The following CBL variants were observed in gnomAD, a reference collection of about 807,000 sequenced individuals.
The protein encoded by CBL is E3 ubiquitin-protein ligase CBL.
In CBL, 45 loss-of-function variants were observed where a neutral mutation model predicts 96.9. That is an observed-to-expected ratio of 0.46 (90% CI 0.37 to 0.60). The LOEUF (loss-of-function observed/expected upper bound fraction) is 0.60, where lower values mean the gene tolerates loss of function less well. CBL is among the 20% of genes least tolerant of loss of function. The probability of loss-of-function intolerance (pLI) is 0.00; values close to 1 mark genes in which losing one functional copy is unlikely to be tolerated. For missense variants in CBL, 1,024 were observed against 1,143.5 expected, an observed-to-expected ratio of 0.90 and a Z score of 1.51; for synonymous variants, 420 against 426.8, an observed-to-expected ratio of 0.98 and a Z score of 0.20.
chr11:119,297,526 G>C (rs370168884), intron 14 of CBL, 45 bp downstream of exon 14: 248 of 1,346,976 alleles, frequency 1.8e-4, no homozygotes, highest in Non-Finnish European at 2.4e-4. Flanking sequence ...ATATGTCATA[G>C]GAATGAACAT....
At chr11:119,278,854 T>C (rs140435262) in intron 9 of CBL, 141 bp downstream of exon 9, 15 of 746,068 alleles carry the variant, frequency 2.0e-5, no homozygotes, top group Admixed American at 8.0e-5. Flanking sequence ...ATGACAGATA[T>C]TGTGTTAAGC....
intron 1 of CBL, among the ~76,000 whole-genome samples, chr11:119,216,199 A>G (rs1034559536): frequency 3.3e-5 from 5 of 152,128 alleles, no homozygotes; most frequent in African/African-American, 1.2e-4. Flanking sequence ...GCACCTTCTC[A>G]CAACCACCAC....
chr11:119,231,925 A>G (rs943044541), intron 1 of CBL, among the ~76,000 whole-genome samples: 9 of 150,456 alleles, frequency 6.0e-5, no homozygotes, highest in African/African-American at 2.2e-4. Flanking sequence ...CCTGGGCAAC[A>G]TGTCTCTAAA....
At chr11:119,274,793 T>G in intron 4 of CBL, 39 bp from the exon 5 acceptor site, 2 of 1,580,830 alleles carry the variant, frequency 1.3e-6, no homozygotes, top group Non-Finnish European at 1.7e-6. Flanking sequence ...TGGTTGTACA[T>G]CTGACCTGAA....
chr11:119,240,274 T>G (rs117431399), intron 2 of CBL, among the ~76,000 whole-genome samples: 2,338 of 150,654 alleles, frequency 0.016, 23 homozygotes, highest in Middle Eastern at 0.041. Context: ...CCAGCCTGGG[T>G]GACAGGGTGA....
At chr11:119,212,984 A>C (rs1177690795) in intron 1 of CBL, among the ~76,000 whole-genome samples, 1 of 150,288 alleles carries the variant, frequency 6.7e-6, no homozygotes, top group East Asian at 2.0e-4. Context: ...AAAAAAAAGA[A>C]AAAAAAAAAA....
In CBL at chr11:119,308,075, TAACTA is replaced by T. The variant is rs1450817252; in HGVS notation, c.*8297_*8301del. On this transcript the variant is annotated 3_prime_UTR_variant, in exon 16 of 16. Coordinates refer to ENST00000264033, the MANE Select transcript of CBL (RefSeq NM_005188.4). The stretch of plus-strand genomic sequence containing the variant: ...TTTTTCATTTCCATACACAGTTAGT[TAACTA>T]AAGAGCTTTTTCAAGCACCCATGTC... 5.6e-6 allele frequency: 1 copy of T among 177,118 alleles called. No individual in the cohort carries two copies. Among genetic ancestry groups the T allele is most frequent in the African/African-American group, 2.4e-5 (1 of 42,324 alleles). 11.0% of individuals were successfully genotyped at this position (177,118 alleles called of 1,614,324 possible).
rs748969942 is a variant in CBL at position 119,297,371 on chromosome 11, C to A, written c.2154-13C>A. The A allele has an allele frequency of 6.3e-7, 1 of 1,593,710 alleles. No homozygotes were observed. The highest frequency in any genetic ancestry group is 8.6e-7 in the Non-Finnish European group (1 of 1,161,712). ...TTTCCAAAGATCATTATGGCACTTT[C>A]CTTCTGGTTCAGAGCATGTGATTGC... On this transcript the variant is annotated splice_polypyrimidine_tract_variant and intron_variant, in intron 13 of 15. Coordinates refer to ENST00000264033, the MANE Select transcript of CBL (RefSeq NM_005188.4).
chr11:119,304,370 A>G lies in CBL; in HGVS notation c.*4589A>G, dbSNP rs1366567007. On this transcript the variant is annotated 3_prime_UTR_variant, in exon 16 of 16. Coordinates refer to ENST00000264033, the MANE Select transcript of CBL (RefSeq NM_005188.4). ...TGCTTAGGGATTCTTTGGATCCAAG[A>G]AACAGAAATGTTCAAGCGGAATAAA... The G allele has an allele frequency of 4.3e-6, 1 of 233,160 alleles. No homozygotes were observed. The highest frequency in any genetic ancestry group is 8.5e-6 in the Non-Finnish European group (1 of 118,080). The allele number at this position is 233,160 out of a possible 1,614,324, so 14.4% of individuals were successfully genotyped here. A position where few individuals can be genotyped will look rare whatever the true frequency, so the allele number is the denominator to read the frequency against.
intron 2 of CBL, among the ~76,000 whole-genome samples, chr11:119,260,684 G>A (rs1465119164): frequency 6.6e-6 from 1 of 151,798 alleles, no homozygotes; most frequent in Non-Finnish European, 1.5e-5. Context: ...TGATTTTACT[G>A]CTGCAGTCTG....
At chr11:119,293,126 A>G (rs937905427) in intron 12 of CBL, among the ~76,000 whole-genome samples, 5 of 150,606 alleles carry the variant, frequency 3.3e-5, no homozygotes, top group Admixed American at 3.3e-4. Context: ...CTTTTTTGAG[A>G]CAGAGTCTCA....
At chr11:119,208,093 TTTA>T (rs770700124) in intron 1 of CBL, among the ~76,000 whole-genome samples, 2 of 152,200 alleles carry the variant, frequency 1.3e-5, no homozygotes, top group Non-Finnish European at 2.9e-5. Context: ...TAGTACTAAT[TTTA>T]TTGTTAGAAA....
In CBL at chr11:119,306,413, C is replaced by T; in HGVS notation, c.*6632C>T. 1 of 399,038 alleles carries T rather than the reference C, an allele frequency of 2.5e-6. No individual in the cohort carries two copies. Among genetic ancestry groups the T allele is most frequent in the Non-Finnish European group, 4.4e-6 (1 of 226,138 alleles). The allele number at this position is 399,038 out of a possible 1,614,324, so 24.7% of individuals were successfully genotyped here. On this transcript the variant is annotated 3_prime_UTR_variant, in exon 16 of 16. Coordinates refer to ENST00000264033, the MANE Select transcript of CBL (RefSeq NM_005188.4). ...CCCGCCCCCTCCCCACCAACATTGC[C>T]TCTCCTACATTCTCCTTCTGCCCCT...
intron 2 of CBL, among the ~76,000 whole-genome samples, chr11:119,262,507 C>G (rs1400106458): frequency 2.6e-5 from 4 of 152,160 alleles, no homozygotes; most frequent in Non-Finnish European, 5.9e-5. Flanking sequence ...TATGGGAACT[C>G]CCTGCGTGGT....
At chr11:119,231,679 G>A (rs1004364678) in intron 1 of CBL, among the ~76,000 whole-genome samples, 4 of 152,108 alleles carry the variant, frequency 2.6e-5, no homozygotes, top group Non-Finnish European at 4.4e-5. Flanking sequence ...TTGCACTCTA[G>A]CCTGGGCAAG....
At chr11:119,242,421 C>T (rs1012560446) in intron 2 of CBL, among the ~76,000 whole-genome samples, 1 of 150,846 alleles carries the variant, frequency 6.6e-6, no homozygotes, top group East Asian at 2.0e-4. Flanking sequence ...ACCTGTAATC[C>T]AAGCTACTCA....
chr11:119,270,241 CTT>C (rs768214554), intron 2 of CBL, among the ~76,000 whole-genome samples: 1 of 119,818 alleles, frequency 8.3e-6, no homozygotes, highest in African/African-American at 3.1e-5. Context: ...TGTGTGACAT[CTT>C]TTTTTTTTTT....
chr11:119,269,411 G>T (rs907350841), intron 2 of CBL, among the ~76,000 whole-genome samples: 3 of 151,834 alleles, frequency 2.0e-5, no homozygotes, highest in Non-Finnish European at 4.4e-5. Context: ...AGTAGAAATG[G>T]CCAGGCTAGT....
At chr11:119,207,126 T>A (rs1949276707) in intron 1 of CBL, among the ~76,000 whole-genome samples, 1 of 152,092 alleles carries the variant, frequency 6.6e-6, no homozygotes, top group African/African-American at 2.4e-5. Flanking sequence ...GAAGCTGTGC[T>A]CTGGGTGAGA....
Sources: allele counts gnomAD v4.1 joint callset (sites outside exome capture counted in the v4.1 genomes callset), GRCh38; gene constraint gnomAD v4.1.1; transcripts MANE v1.5; gene names NCBI Gene and HGNC (gene_info 2026-07-23, HGNC 2026-07-21).